FSHR: variants seen among roughly 807,000 people sequenced by gnomAD.
FSHR encodes the protein follicle-stimulating hormone receptor.
A neutral mutation model predicts 52.1 loss-of-function variants in FSHR; 46 were observed. The observed-to-expected ratio is 0.88, with a 90% confidence interval of 0.70 to 1.13. The LOEUF is 1.13. FSHR is among the 50% of genes most tolerant of loss of function. FSHR has a pLI of 0.00. For synonymous variants in FSHR, 399 were observed against 309.6 expected, an observed-to-expected ratio of 1.29 and a Z score of -3.03; for missense variants, 964 against 834.6, an observed-to-expected ratio of 1.16 and a Z score of -1.91.
At chr2:49,056,231 G>A (rs1249079882) in intron 2 of FSHR, among the ~76,000 whole-genome samples, 3 of 151,592 alleles carry the variant, frequency 2.0e-5, no homozygotes, top group Admixed American at 6.6e-5. Flanking sequence ...AATATATGCT[G>A]CCTACAAGAA....
chr2:48,971,561 A>G (rs1674742975), intron 8 of FSHR, among the ~76,000 whole-genome samples: 1 of 152,168 alleles, frequency 6.6e-6, no homozygotes, highest in Non-Finnish European at 1.5e-5. Flanking sequence ...TACCTTTGTT[A>G]GGTGTGTGTG....
At chr2:49,024,984 G>A (rs1487613611) in intron 2 of FSHR, among the ~76,000 whole-genome samples, 1 of 152,172 alleles carries the variant, frequency 6.6e-6, no homozygotes, top group African/African-American at 2.4e-5. Flanking sequence ...GGAGGACAGT[G>A]ACATTGCCCT....
chr2:49,128,170 C>T (rs577710719), intron 1 of FSHR, among the ~76,000 whole-genome samples: 51 of 151,860 alleles, frequency 3.4e-4, no homozygotes, highest in South Asian at 8.3e-4. Flanking sequence ...CATGATCCAC[C>T]GTGCCCAGCC....
At chr2:49,076,542 C>T (rs1669956473) in intron 1 of FSHR, among the ~76,000 whole-genome samples, 1 of 152,128 alleles carries the variant, frequency 6.6e-6, no homozygotes, top group Non-Finnish European at 1.5e-5. Flanking sequence ...ATCATTCTGC[C>T]CCTGGCCCCT....
At chr2:49,096,927 C>A (rs1187753325) in intron 1 of FSHR, among the ~76,000 whole-genome samples, 2 of 152,280 alleles carry the variant, frequency 1.3e-5, no homozygotes, top group African/African-American at 2.4e-5. Context: ...TCCCACTTTA[C>A]CTTCTGCCAT....
chr2:49,104,296 C>G (rs1344857712), intron 1 of FSHR, among the ~76,000 whole-genome samples: 1 of 152,150 alleles, frequency 6.6e-6, no homozygotes, highest in Non-Finnish European at 1.5e-5. Context: ...GCCACTTCCT[C>G]AGCACAGGTG....
intron 1 of FSHR, among the ~76,000 whole-genome samples, chr2:49,130,972 CA>C (rs372287294): frequency 6.6e-6 from 1 of 151,870 alleles, no homozygotes; most frequent in Admixed American, 6.6e-5. Flanking sequence ...CTATTTAGTA[CA>C]AAAAAATTGA....
rs114858021 is a variant in FSHR at position 49,022,434 on chromosome 2, G to T, written c.225-2274C>A. 8.9e-3 allele frequency among the ~76,000 whole-genome samples: 1,353 copies of T among 152,232 alleles called. 10 individuals carry two copies. Among genetic ancestry groups the T allele is most frequent in the Non-Finnish European group, 0.013 (907 of 68,018 alleles). ...GTTGGGGGCAGGTGAACAGGGTACAGTCATGGAAAAGTCCTTCAATGAGAA... is the reference window on the plus strand; with the variant it reads ...GTTGGGGGCAGGTGAACAGGGTACATTCATGGAAAAGTCCTTCAATGAGAA... On this transcript the variant is annotated intron_variant, in intron 2 of 9. Transcript: ENST00000406846.
At chr2:48,990,905 A>T (rs1675743655) in intron 4 of FSHR, among the ~76,000 whole-genome samples, 1 of 146,264 alleles carries the variant, frequency 6.8e-6, no homozygotes, top group Non-Finnish European at 1.5e-5. Context: ...AAAAAAAACG[A>T]TTGATAAGTT....
At chr2:49,145,408 C>T (rs1283791629) in intron 1 of FSHR, among the ~76,000 whole-genome samples, 1 of 152,028 alleles carries the variant, frequency 6.6e-6, no homozygotes, top group Non-Finnish European at 1.5e-5. Context: ...AGCTTTAAAG[C>T]AATGGAGTAT....
At chr2:49,049,634 G>C (rs943806744) in intron 2 of FSHR, among the ~76,000 whole-genome samples, 1 of 152,032 alleles carries the variant, frequency 6.6e-6, no homozygotes, top group Non-Finnish European at 1.5e-5. Flanking sequence ...TGGGCCTCCT[G>C]CCTGTATTCT....
At chr2:49,098,653 A>C (rs113301654) in intron 1 of FSHR, among the ~76,000 whole-genome samples, 7,652 of 150,938 alleles carry the variant, frequency 0.051, 243 homozygotes, top group Middle Eastern at 0.098. Flanking sequence ...CAGAGAAAGA[A>C]CATATTAAGA....
intron 6 of FSHR, among the ~76,000 whole-genome samples, chr2:48,986,203 A>G (rs1253780130): frequency 1.3e-5 from 2 of 152,082 alleles, no homozygotes; most frequent in Non-Finnish European, 2.9e-5. Flanking sequence ...TTTAGCTCTT[A>G]CAAGAGTGAA....
At chr2:49,098,478 G>A (rs1670905775) in intron 1 of FSHR, among the ~76,000 whole-genome samples, 1 of 151,820 alleles carries the variant, frequency 6.6e-6, no homozygotes, top group Admixed American at 6.6e-5. Context: ...CCATGTGAAA[G>A]GGAGGAATGA....
intron 1 of FSHR, among the ~76,000 whole-genome samples, chr2:49,089,270 A>C (rs1670511641): frequency 6.6e-6 from 1 of 152,152 alleles, no homozygotes; most frequent in African/African-American, 2.4e-5. Context: ...GATGGAATGA[A>C]AGCATTTTCT....
intron 1 of FSHR, among the ~76,000 whole-genome samples, chr2:49,082,982 G>A: frequency 6.6e-6 from 1 of 151,660 alleles, no homozygotes; most frequent in African/African-American, 2.4e-5. Flanking sequence ...TCAGATTCAG[G>A]AAATACAGAG....
chr2:49,047,366 GA>G (rs938924142), intron 2 of FSHR, among the ~76,000 whole-genome samples: 12 of 151,976 alleles, frequency 7.9e-5, no homozygotes, highest in African/African-American at 2.9e-4. Flanking sequence ...ATTCAGTAAA[GA>G]AAAAAAATAA....
chr2:49,033,180 G>A (rs940470739), intron 2 of FSHR, among the ~76,000 whole-genome samples: 1 of 152,160 alleles, frequency 6.6e-6, no homozygotes, highest in Admixed American at 6.5e-5. Flanking sequence ...ATTAGACAAG[G>A]TCAGTGACTG....
intron 1 of FSHR, among the ~76,000 whole-genome samples, chr2:49,071,803 AG>A (rs5831022): frequency 0.24 from 36,105 of 152,052 alleles, 4,391 homozygotes; most frequent in South Asian, 0.3. Context: ...CAACGGATGA[AG>A]GATGAGGAAG....
Sources: allele counts gnomAD v4.1 joint callset (sites outside exome capture counted in the v4.1 genomes callset), GRCh38; gene constraint gnomAD v4.1.1; transcripts MANE v1.5; gene names NCBI Gene and HGNC (gene_info 2026-07-23, HGNC 2026-07-21).